The following THEM6 variants were observed in gnomAD, a reference collection of about 807,000 sequenced individuals.
The protein encoded by THEM6 is thioesterase superfamily member 6.
Under a neutral mutation model 13.7 loss-of-function variants are expected in THEM6, and 10 were observed. The observed-to-expected ratio is 0.73, with a 90% CI of 0.45 to 1.24. THEM6 has a LOEUF of 1.24. Ranked by LOEUF, THEM6 falls within the 50% of genes most tolerant of loss-of-function variation. THEM6 has a pLI of 0.00. For synonymous variants in THEM6, 161 were observed against 156.0 expected (o/e 1.03, Z -0.24); for missense variants, 317 against 312.6 (o/e 1.01, Z -0.11).
At chr8:142,730,266 A>C (rs1197328005) in intron 1 of THEM6, among the ~76,000 whole-genome samples, 3 of 152,178 alleles carry the variant, frequency 2.0e-5, no homozygotes, top group Admixed American at 2.0e-4. Context: ...AGTGGTTAAC[A>C]GCATAAAATA....
At chr8:142,729,427 C>G (rs1815597098) in intron 1 of THEM6, among the ~76,000 whole-genome samples, 1 of 151,996 alleles carries the variant, frequency 6.6e-6, no homozygotes, top group Non-Finnish European at 1.5e-5. Flanking sequence ...ATTTAAAGTG[C>G]GAACGGAATA....
intron 1 of THEM6, among the ~76,000 whole-genome samples, chr8:142,730,906 A>G (rs1243471259): frequency 2.6e-5 from 4 of 151,984 alleles, no homozygotes; most frequent in South Asian, 2.1e-4. Context: ...CACCATGCCC[A>G]GCTAATTTTT....
chr8:142,729,521 G>C (rs185391661), intron 1 of THEM6, among the ~76,000 whole-genome samples: 30 of 152,266 alleles, frequency 2.0e-4, no homozygotes, highest in Non-Finnish European at 2.4e-4. Context: ...TTTTACAATA[G>C]ACACCCTAGT....
intron 1 of THEM6, among the ~76,000 whole-genome samples, chr8:142,734,366 G>A (rs1815714855): frequency 6.6e-6 from 1 of 152,252 alleles, no homozygotes; most frequent in Admixed American, 6.5e-5. Flanking sequence ...GGGAGCCAGG[G>A]TTGCTTTTCT....
At position 142,727,291 on chromosome 8, in the gene THEM6, GGACACC is replaced by G. The variant is rs1255221641; in HGVS notation, c.-54_-49del. 1.6e-5 allele frequency: 22 copies of G among 1,407,898 alleles called. No homozygotes were observed. Among genetic ancestry groups the G allele is most frequent in the Non-Finnish European group, 1.9e-5 (21 of 1,089,256 alleles). 87.2% of individuals were successfully genotyped at this position (1,407,898 alleles called of 1,614,324 possible). A position where few individuals can be genotyped will look rare whatever the true frequency, so the allele number is the denominator to read the frequency against. ...TGGCGGGCACCGTAACCAGCGCCGC[GGACACC>G]GGCACCGGCGCCACGGACTCCGCAG... On this transcript the variant is annotated 5_prime_UTR_variant, in exon 1 of 2. Coordinates refer to ENST00000336138, the MANE Select transcript of THEM6 (RefSeq NM_016647.3).
At chr8:142,735,166 G>A (rs1289306102) in intron 1 of THEM6, 160 bp from the exon 2 acceptor site, 1 of 626,890 alleles carries the variant, frequency 1.6e-6, no homozygotes, top group Non-Finnish European at 2.9e-6. Flanking sequence ...GGTATGCAGG[G>A]GTAGCACAAG....
At chr8:142,732,188 A>ATTT (rs1815662362) in intron 1 of THEM6, among the ~76,000 whole-genome samples, 1 of 90,754 alleles carries the variant, frequency 1.1e-5, no homozygotes, top group African/African-American at 4.5e-5. Context: ...ATATATATAT[A>ATTT]TATATATATA....
Position 142,727,337 on chromosome 8 carries a change from C to A in THEM6, c.-10C>A, listed in dbSNP as rs1478038995. On this transcript the variant is annotated 5_prime_UTR_variant, in exon 1 of 2. Transcript: ENST00000336138. ...GGACTCCGCAGGACCCCGCGCCCGC[C>A]GCCGCCGCTATGCTGGGGCTGCTGG... 6.6e-7 allele frequency: 1 copy of A among 1,504,220 alleles called. No individual in the cohort carries two copies. The highest frequency in any genetic ancestry group is 1.5e-5 in the African/African-American group (1 of 68,782). 93.2% of individuals were successfully genotyped at this position (1,504,220 alleles called of 1,614,324 possible). A position where few individuals can be genotyped will look rare whatever the true frequency, so the allele number is the denominator to read the frequency against.
intron 1 of THEM6, among the ~76,000 whole-genome samples, chr8:142,732,204 ATATTT>A (rs1815664570): frequency 9.7e-6 from 1 of 102,668 alleles, no homozygotes; most frequent in African/African-American, 4.2e-5. Context: ...ATATATATAT[ATATTT>A]TAACTACTGG....
chr8:142,731,787 C>T (rs189450902), intron 1 of THEM6, among the ~76,000 whole-genome samples: 92 of 152,308 alleles, frequency 6.0e-4, no homozygotes, highest in African/African-American at 2.1e-3. Context: ...CTATCCACCC[C>T]CACCATTCCC....
Position 142,727,670 on chromosome 8 carries a change from C to T in THEM6, c.324C>T (p.Arg108=). Residue 108 remains arginine (R), a synonymous_variant, in exon 1 of 2, where the codon CGC becomes CGT. Coordinates refer to ENST00000336138, the MANE Select transcript of THEM6 (RefSeq NM_016647.3). The part of the protein sequence containing the change: ...TVLAASCARH[R]RSLRLLEPFE... ...TGGCGGCCTCGTGCGCGCGCCACCG[C>T]CGCTCGCTGCGCCTGCTGGAGCCCT... The T allele has an allele frequency of 2.1e-6, 3 of 1,433,948 alleles. No homozygotes were observed. Among genetic ancestry groups the T allele is most frequent in the East Asian group, 2.9e-5 (1 of 34,064 alleles). 88.8% of individuals were successfully genotyped at this position (1,433,948 alleles called of 1,614,324 possible). A position where few individuals can be genotyped will look rare whatever the true frequency, so the allele number is the denominator to read the frequency against.
At chr8:142,728,374 C>T (rs1163246832) in intron 1 of THEM6, among the ~76,000 whole-genome samples, 2 of 152,208 alleles carry the variant, frequency 1.3e-5, no homozygotes, top group Non-Finnish European at 2.9e-5. Context: ...GCCTTCTGGC[C>T]TTTCTGCAGT....
chr8:142,727,943 A>G (rs1554642596), intron 1 of THEM6, 84 bp downstream of exon 1: 3 of 1,332,416 alleles, frequency 2.3e-6, no homozygotes, highest in Admixed American at 4.0e-5. Context: ...CCCCTCCCCT[A>G]GGGAAGGCCC....
At chr8:142,735,052 C>T (rs1815728479) in intron 1 of THEM6, 2 of 438,916 alleles carry the variant, frequency 4.6e-6, no homozygotes, top group Non-Finnish European at 4.2e-6. Flanking sequence ...TCTGGATTTC[C>T]TCTCTGCCCT....
intron 1 of THEM6, among the ~76,000 whole-genome samples, chr8:142,731,202 G>A (rs1490319971): frequency 6.6e-6 from 1 of 152,166 alleles, no homozygotes; most frequent in Admixed American, 6.5e-5. Context: ...CCAGTTCACA[G>A]AAAAACTGCA....
At chr8:142,729,305 G>A (rs781797375) in intron 1 of THEM6, among the ~76,000 whole-genome samples, 2 of 152,180 alleles carry the variant, frequency 1.3e-5, no homozygotes, top group Admixed American at 6.5e-5. Flanking sequence ...TCCTCAGCAA[G>A]GCCATTTTTA....
At chr8:142,730,021 G>A (rs1815607756) in intron 1 of THEM6, among the ~76,000 whole-genome samples, 1 of 152,192 alleles carries the variant, frequency 6.6e-6, no homozygotes, top group Non-Finnish European at 1.5e-5. Context: ...TTTCCGCAAG[G>A]TATGACAGAA....
At chr8:142,729,299 C>T (rs1815594855) in intron 1 of THEM6, among the ~76,000 whole-genome samples, 2 of 152,208 alleles carry the variant, frequency 1.3e-5, no homozygotes, top group East Asian at 3.8e-4. Flanking sequence ...TTAATTTCCT[C>T]AGCAAGGCCA....
chr8:142,729,424 G>T (rs1188375744), intron 1 of THEM6, among the ~76,000 whole-genome samples: 1 of 152,174 alleles, frequency 6.6e-6, no homozygotes, highest in African/African-American at 2.4e-5. Context: ...TTTATTTAAA[G>T]TGCGAACGGA....
Sources: allele counts gnomAD v4.1 joint callset (sites outside exome capture counted in the v4.1 genomes callset), GRCh38; gene constraint gnomAD v4.1.1; transcripts MANE v1.5; gene names NCBI Gene and HGNC (gene_info 2026-07-23, HGNC 2026-07-21).